KIF6: variants seen among roughly 807,000 people sequenced by gnomAD.
The protein encoded by KIF6 is kinesin-like protein KIF6.
Under a neutral mutation model 112.7 loss-of-function variants are expected in KIF6, and 106 were observed. The observed-to-expected ratio is 0.94, with a 90% CI of 0.80 to 1.11. KIF6 has a LOEUF of 1.11. Among genes scored for constraint, KIF6 ranks in the 50% least tolerant of loss-of-function variants. KIF6 has a pLI of 0.00. For synonymous variants in KIF6, 339 were observed against 339.9 expected (o/e 1.00, Z 0.03); for missense variants, 929 against 964.0 (o/e 0.96, Z 0.48).
intron 5 of KIF6, among the ~76,000 whole-genome samples, chr6:39,633,771 T>A (rs963088157): frequency 6.6e-6 from 1 of 152,158 alleles, no homozygotes; most frequent in Non-Finnish European, 1.5e-5. Context: ...CCTCCTTTAG[T>A]AGCTTTGTCC....
chr6:39,460,067 A>G (rs997443704), intron 13 of KIF6, among the ~76,000 whole-genome samples: 2 of 149,282 alleles, frequency 1.3e-5, no homozygotes, highest in Non-Finnish European at 3.0e-5. Flanking sequence ...ATAAAGACAC[A>G]TGCACACGTA....
At chr6:39,408,424 T>G (rs999183959) in intron 15 of KIF6, among the ~76,000 whole-genome samples, 2 of 152,168 alleles carry the variant, frequency 1.3e-5, no homozygotes, top group African/African-American at 4.8e-5. Context: ...ATGCACTGTT[T>G]GTAATAGAGA....
chr6:39,558,226 G>A lies in KIF6; in HGVS notation c.1182-12538C>T, dbSNP rs941135911. Among the ~76,000 whole-genome samples the A allele has an allele frequency of 3.9e-5, 6 of 152,068 alleles. No homozygotes were observed. The South Asian group carries it at 6.2e-4, about 16-fold the overall frequency. Reference sequence around the variant, plus strand: ...GCTGTTCCTTCTGTTGCTTCCAGACGGGTTTGATTTGTTGATATGATCTAA... The same window carrying A: ...GCTGTTCCTTCTGTTGCTTCCAGACAGGTTTGATTTGTTGATATGATCTAA... On this transcript the variant is annotated intron_variant, in intron 10 of 22. Coordinates refer to ENST00000287152, the MANE Select transcript of KIF6 (RefSeq NM_145027.6).
chr6:39,577,682 T>C (rs1781045725), intron 10 of KIF6, among the ~76,000 whole-genome samples: 1 of 152,240 alleles, frequency 6.6e-6, no homozygotes, highest in Non-Finnish European at 1.5e-5. Flanking sequence ...TGTGGCAAGA[T>C]GCTGTTTAAT....
Position 39,431,146 on chromosome 6 carries a change from A to G in KIF6, c.1661T>C (p.Met554Thr), listed in dbSNP as rs1214522734. The G allele has an allele frequency of 6.2e-7, 1 of 1,605,662 alleles. No homozygotes were observed. Among genetic ancestry groups the G allele is most frequent in the Admixed American group, 1.7e-5 (1 of 59,952 alleles). The change falls in exon 14 of 23, where the codon ATG (methionine) becomes ACG (threonine). Residue 554 changes from methionine to threonine, a missense_variant. By Grantham distance (81) the Met-to-Thr change is moderately conservative. Around this residue, in one of 2 missense-constraint regions of KIF6, gnomAD observed 688 missense variants for 662.7 expected, o/e 1.04. Coordinates refer to ENST00000287152, the MANE Select transcript of KIF6 (RefSeq NM_145027.6). ...AAAAGCCTCCTGGCATCCTAATGACATTTCCTCTCTCATTCCTGTTTGGAG... is the reference window on the plus strand; with the variant it reads ...AAAAGCCTCCTGGCATCCTAATGACGTTTCCTCTCTCATTCCTGTTTGGAG... ...LHKKIGMREEMSLGCQEAFEI... is the reference protein window; with the variant it reads ...LHKKIGMREETSLGCQEAFEI...
At chr6:39,646,724 A>G (rs1785189298) in intron 3 of KIF6, among the ~76,000 whole-genome samples, 1 of 152,246 alleles carries the variant, frequency 6.6e-6, no homozygotes, top group African/African-American at 2.4e-5. Flanking sequence ...GAAATACGCT[A>G]TATACATGTT....
chr6:39,716,806 C>A (rs551544584), intron 2 of KIF6, among the ~76,000 whole-genome samples: 4 of 152,270 alleles, frequency 2.6e-5, no homozygotes, highest in African/African-American at 9.6e-5. Context: ...TCTTCCCACC[C>A]TAAAGAATGG....
Position 39,634,973 on chromosome 6 carries a change from G to A in KIF6, c.400-15C>T, listed in dbSNP as rs1356726998. ...TTGCTGCTGTCCTGATTGGAAAAGG[G>A]AAAGGTATTATTTATCGGTTATAAC... On this transcript the variant is annotated splice_polypyrimidine_tract_variant and intron_variant, in intron 4 of 22. Transcript: ENST00000287152. 7.3e-7 allele frequency: 1 copy of A among 1,363,938 alleles called. No homozygotes were observed. Among genetic ancestry groups the A allele is most frequent in the Non-Finnish European group, 1.0e-6 (1 of 952,708 alleles). 84.5% of individuals were successfully genotyped at this position (1,363,938 alleles called of 1,614,324 possible).
intron 3 of KIF6, among the ~76,000 whole-genome samples, chr6:39,700,113 T>C (rs1788794762): frequency 6.6e-6 from 1 of 152,242 alleles, no homozygotes; most frequent in Admixed American, 6.5e-5. Context: ...AGAATGGGCA[T>C]ACATCCCCTC....
At chr6:39,362,396 G>A (rs1393695738) in intron 17 of KIF6, 38 bp downstream of exon 17, 7 of 1,507,768 alleles carry the variant, frequency 4.6e-6, no homozygotes, top group Non-Finnish European at 6.5e-6. Flanking sequence ...ACCCTGGGAG[G>A]CTGGGCTCGG....
At chr6:39,346,049 G>GCGCT (rs1763693911) in intron 20 of KIF6, among the ~76,000 whole-genome samples, 2 of 28,994 alleles carry the variant, frequency 6.9e-5, no homozygotes, top group African/African-American at 2.6e-4. Context: ...AAACTACAGT[G>GCGCT]CTCTCTCTCT....
At chr6:39,514,565 T>C (rs1226174898) in intron 13 of KIF6, among the ~76,000 whole-genome samples, 1 of 152,242 alleles carries the variant, frequency 6.6e-6, no homozygotes, top group Admixed American at 6.5e-5. Flanking sequence ...AGTTTTTGCA[T>C]TCTGGGGAAT....
intron 13 of KIF6, among the ~76,000 whole-genome samples, chr6:39,537,470 C>T (rs1778508761): frequency 6.6e-6 from 1 of 151,852 alleles, no homozygotes; most frequent in African/African-American, 2.4e-5. Context: ...TTCACAATTG[C>T]TTCAAAGAGA....
At chr6:39,414,503 G>C (rs1012319976) in intron 15 of KIF6, among the ~76,000 whole-genome samples, 1 of 152,210 alleles carries the variant, frequency 6.6e-6, no homozygotes, top group Non-Finnish European at 1.5e-5. Flanking sequence ...GCCTTCCTAT[G>C]GGCAGATGTA....
intron 13 of KIF6, among the ~76,000 whole-genome samples, chr6:39,439,259 G>C (rs1210098420): frequency 3.3e-5 from 5 of 152,154 alleles, no homozygotes; most frequent in Non-Finnish European, 7.4e-5. Context: ...TCCCAACTTT[G>C]TTTAGTCTGT....
intron 16 of KIF6, among the ~76,000 whole-genome samples, chr6:39,384,726 G>T (rs1767263968): frequency 6.6e-6 from 1 of 152,092 alleles, no homozygotes; most frequent in South Asian, 2.1e-4. Flanking sequence ...ACAGGTAATT[G>T]AGGGCCCACA....
At chr6:39,671,464 T>G (rs1360106576) in intron 3 of KIF6, among the ~76,000 whole-genome samples, 1 of 152,188 alleles carries the variant, frequency 6.6e-6, no homozygotes, top group Non-Finnish European at 1.5e-5. Context: ...TCTAGCCCGC[T>G]TCTATCCTAG....
chr6:39,614,336 T>C (rs1465167520), intron 5 of KIF6, among the ~76,000 whole-genome samples: 2 of 152,222 alleles, frequency 1.3e-5, no homozygotes, highest in African/African-American at 4.8e-5. Flanking sequence ...TTTGGAATTG[T>C]TGACACTAAG....
chr6:39,532,720 A>G (rs925112014), intron 13 of KIF6, among the ~76,000 whole-genome samples: 1 of 152,228 alleles, frequency 6.6e-6, no homozygotes, highest in African/African-American at 2.4e-5. Flanking sequence ...AATGAGCACC[A>G]TACTGCTTAA....
Sources: gnomAD v4.1 joint callset for allele counts (sites outside exome capture counted in the v4.1 genomes callset) on GRCh38, gnomAD v4.1.1 for gene constraint, gnomAD v4.1.1 regional missense constraint, MANE v1.5 for transcripts, NCBI Gene and HGNC (gene_info 2026-07-23, HGNC 2026-07-21) for gene names.